ZNF865: variants seen among roughly 807,000 people sequenced by gnomAD.
The protein encoded by ZNF865 is zinc finger protein 865.
For synonymous variants in ZNF865, 763 were observed against 750.8 expected (o/e 1.02, Z -0.27); for missense variants, 1,311 against 1,593.4 (o/e 0.82, Z 3.02).
At chr19:55,609,145 A>G (rs1414709069) in intron 1 of ZNF865, among the ~76,000 whole-genome samples, 1 of 152,046 alleles carries the variant, frequency 6.6e-6, no homozygotes, top group Non-Finnish European at 1.5e-5. Context: ...CAGCTTCCCC[A>G]CTAGCTGGAA....
chr19:55,617,212 C>T lies in ZNF865; in HGVS notation c.*414C>T, dbSNP rs1316571718. 2.5e-5 allele frequency: 3 copies of T among 121,982 alleles called. No individual in the cohort carries two copies. Among genetic ancestry groups the T allele is most frequent in the Non-Finnish European group, 5.4e-5 (3 of 55,952 alleles). 7.6% of individuals were successfully genotyped at this position (121,982 alleles called of 1,614,324 possible). Reference sequence around the variant, plus strand: ...CTTTTTGGGGTGGGGGGGTGGGGGGCGGGGTGGCAGACGCGGCTTGTACAG... The same window carrying T: ...CTTTTTGGGGTGGGGGGGTGGGGGGTGGGGTGGCAGACGCGGCTTGTACAG... On this transcript the variant is annotated 3_prime_UTR_variant, in exon 2 of 2. Transcript: ENST00000568956.
intron 1 of ZNF865, among the ~76,000 whole-genome samples, chr19:55,609,855 C>T (rs535911173): frequency 1.3e-5 from 2 of 152,330 alleles, no homozygotes; most frequent in South Asian, 2.1e-4. Context: ...TATGACATCC[C>T]CTCTTAAAAA....
chr19:55,611,814 C>T lies in ZNF865; in HGVS notation c.-26-1779C>T, dbSNP rs1181458807. Among the ~76,000 whole-genome samples the T allele has an allele frequency of 6.6e-6, 1 of 152,098 alleles. No homozygotes were observed. Among genetic ancestry groups the T allele is most frequent in the African/African-American group, 2.4e-5 (1 of 41,350 alleles). On this transcript the variant is annotated intron_variant, in intron 1 of 1. Transcript: ENST00000568956. This position sits in a 1 kb window ranked among gnomAD's most constrained non-coding sequence, Gnocchi z 4.5. ...CATGGGCCCTTCACCGACTCACCCT[C>T]CGCCCACTTGGTGGAGGTGCTTCCC...
Position 55,614,218 on chromosome 19 carries a change from G to A in ZNF865, c.600G>A (p.Ala200=), listed in dbSNP as rs1266147725. The A allele has an allele frequency of 5.3e-6, 8 of 1,506,480 alleles. No homozygotes were observed. The highest frequency in any genetic ancestry group is 7.1e-6 in the Non-Finnish European group (8 of 1,133,166). 93.3% of individuals were successfully genotyped at this position (1,506,480 alleles called of 1,614,324 possible). A position where few individuals can be genotyped will look rare whatever the true frequency, so the allele number is the denominator to read the frequency against. ...AGACCCCGCCAGGACCCCCCGCGGC[G>A]GCGGCCTGCGACCCCACCAAGGACG... is the stretch of plus-strand genomic sequence containing the variant. The part of the protein sequence containing the change: ...PSQTPPGPPA[A]AACDPTKDDK... The change falls in exon 2 of 2, where the codon GCG becomes GCA. Residue 200 remains alanine (A), a synonymous_variant. Coordinates refer to ENST00000568956, the MANE Select transcript of ZNF865 (RefSeq NM_001195605.2). The surrounding 1 kb of genome is among the most constrained non-coding windows in gnomAD (Gnocchi z 8.0).
chr19:55,607,211 C>T (rs1049095963), intron 1 of ZNF865, among the ~76,000 whole-genome samples: 1 of 152,068 alleles, frequency 6.6e-6, no homozygotes, highest in African/African-American at 2.4e-5. Context: ...TTAATGAGCA[C>T]CTACTTTACA....
At position 55,615,407 on chromosome 19, in the gene ZNF865, C is replaced by G; in HGVS notation, c.1789C>G (p.His597Asp). 6.7e-7 allele frequency: 1 copy of G among 1,496,936 alleles called. No homozygotes were observed. Among genetic ancestry groups the G allele is most frequent in the South Asian group, 1.3e-5 (1 of 79,396 alleles). 92.7% of individuals were successfully genotyped at this position (1,496,936 alleles called of 1,614,324 possible). Residue 597 changes from histidine to aspartate, a missense_variant, in exon 2 of 2, where the codon CAC becomes GAC. Transcript: ENST00000568956. The stretch of plus-strand genomic sequence containing the variant: ...CGAATCCTTCCACTTGAGCAAGCAT[C>G]ACGTGGTGCACACGCGCGAGCGGCC... The part of the protein sequence containing the change: ...FRESFHLSKH[H>D]VVHTRERPYK...
Position 55,614,593 on chromosome 19 carries a change from C to T in ZNF865, c.975C>T (p.Pro325=). Reference sequence around the variant, plus strand: ...CAGCCACGCCCGTGGCGCCTGCCCCCTCCGCAGACGGGAGCGCCGCCCCTG... The same window carrying T: ...CAGCCACGCCCGTGGCGCCTGCCCCTTCCGCAGACGGGAGCGCCGCCCCTG... ...GPPATPVAPA[P]SADGSAAPAG... Residue 325 remains proline (P), a synonymous_variant, in exon 2 of 2, where the codon CCC becomes CCT. Coordinates refer to ENST00000568956, the MANE Select transcript of ZNF865 (RefSeq NM_001195605.2). This position sits in a 1 kb window ranked among gnomAD's most constrained non-coding sequence, Gnocchi z 8.0. 6.6e-7 allele frequency: 1 copy of T among 1,519,674 alleles called. No individual in the cohort carries two copies. Among genetic ancestry groups the T allele is most frequent in the Non-Finnish European group, 8.8e-7 (1 of 1,139,312 alleles). 94.1% of individuals were successfully genotyped at this position (1,519,674 alleles called of 1,614,324 possible). A position where few individuals can be genotyped will look rare whatever the true frequency, so the allele number is the denominator to read the frequency against.
Position 55,606,289 on chromosome 19 carries a change from C to G in ZNF865, c.-27+557C>G, listed in dbSNP as rs118187946. ...AAATACTTTCTATTCTGGTCAGCAC[C>G]AAGAATGCCTTTTTCCCTTCTGCAG... On this transcript the variant is annotated intron_variant, in intron 1 of 1. Transcript: ENST00000568956. 1.5e-4 allele frequency among the ~76,000 whole-genome samples: 23 copies of G among 152,258 alleles called. No homozygotes were observed. The East Asian group carries it at 2.9e-3, about 19-fold the overall frequency.
chr19:55,609,543 G>A (rs1255377166), intron 1 of ZNF865, among the ~76,000 whole-genome samples: 1 of 152,176 alleles, frequency 6.6e-6, no homozygotes, highest in African/African-American at 2.4e-5. Flanking sequence ...CAGCGTTGTT[G>A]CAGCAGAACG....
In ZNF865 at chr19:55,614,711, C is replaced by A; in HGVS notation, c.1093C>A (p.Leu365Ile). The A allele has an allele frequency of 6.3e-7, 1 of 1,585,216 alleles. No individual in the cohort carries two copies. The highest frequency in any genetic ancestry group is 2.3e-5 in the East Asian group (1 of 43,936). Reference sequence around the variant, plus strand: ...GAAGGTTTTCAAGAAGCCCAGTCACCTCCACCAGCACCAGATCATCCACAC... The same window carrying A: ...GAAGGTTTTCAAGAAGCCCAGTCACATCCACCAGCACCAGATCATCCACAC... ...CWKVFKKPSH[L>I]HQHQIIHTGE... Residue 365 changes from leucine (L) to isoleucine (I), a missense_variant, in exon 2 of 2, where the codon CTC (leucine) becomes ATC (isoleucine). Leu to Ile is a conservative substitution (Grantham distance 5). Coordinates refer to ENST00000568956, the MANE Select transcript of ZNF865 (RefSeq NM_001195605.2). This position sits in a 1 kb window ranked among gnomAD's most constrained non-coding sequence, Gnocchi z 8.0.
intron 1 of ZNF865, among the ~76,000 whole-genome samples, chr19:55,610,187 T>G (rs1351835333): frequency 2.0e-5 from 3 of 152,272 alleles, no homozygotes; most frequent in Non-Finnish European, 2.9e-5. Context: ...TGAGCATTGC[T>G]TTGGCTGCAC....
chr19:55,612,211 C>T (rs935098449), intron 1 of ZNF865, among the ~76,000 whole-genome samples: 2 of 152,106 alleles, frequency 1.3e-5, no homozygotes, highest in Admixed American at 1.3e-4. Context: ...ATAGGGGTTC[C>T]CCCATTTTAA....
intron 1 of ZNF865, chr19:55,613,244 G>A: frequency 4.2e-6 from 1 of 237,892 alleles, no homozygotes. Context: ...ACAAATAATA[G>A]AGGGCCTGCA....
chr19:55,610,574 G>A (rs866844470), intron 1 of ZNF865, among the ~76,000 whole-genome samples: 1 of 152,158 alleles, frequency 6.6e-6, no homozygotes, highest in African/African-American at 2.4e-5. Context: ...ATTTTCTAAT[G>A]TATGATTTCT....
Position 55,613,745 on chromosome 19 carries a change from G to C in ZNF865, c.127G>C (p.Glu43Gln). 1 of 1,534,572 alleles carries C rather than the reference G, an allele frequency of 6.5e-7. No individual in the cohort carries two copies. The highest frequency in any genetic ancestry group is 8.7e-7 in the Non-Finnish European group (1 of 1,146,166). ...GGAATTCCTCAACCACCAGCGCTTC[G>C]AGCCCATGGAACTGTATGGGGAACA... ...FLEFLNHQRFEPMELYGEHAK... is the reference protein window; with the variant it reads ...FLEFLNHQRFQPMELYGEHAK... Residue 43 changes from glutamate (E) to glutamine (Q), a missense_variant, in exon 2 of 2, where the codon GAG becomes CAG. By Grantham distance (29) the Glu-to-Gln change is conservative. Transcript: ENST00000568956.
rs1053874970 is a variant in ZNF865, at chr19:55,609,046, CAG to C, written c.-27+3317_-27+3318del. Among the ~76,000 whole-genome samples, 44 of 152,184 alleles carry C rather than the reference CAG, an allele frequency of 2.9e-4. 1 individual carries two copies. Among genetic ancestry groups the C allele is most frequent in the Middle Eastern group, 3.4e-3 (1 of 294 alleles). The stretch of plus-strand genomic sequence containing the variant: ...AGTTTGTTTGTTTGTTTTTGAGAAA[CAG>C]AGTCTCACTCTGTCACCCAGGCTGG... On this transcript the variant is annotated intron_variant, in intron 1 of 1. Coordinates refer to ENST00000568956, the MANE Select transcript of ZNF865 (RefSeq NM_001195605.2).
At chr19:55,608,627 T>C (rs560162690) in intron 1 of ZNF865, among the ~76,000 whole-genome samples, 40 of 152,126 alleles carry the variant, frequency 2.6e-4, no homozygotes, top group Non-Finnish European at 4.6e-4. Context: ...ACTGTGGCTT[T>C]TGAATGAGAT....
intron 1 of ZNF865, among the ~76,000 whole-genome samples, chr19:55,608,296 A>G (rs867968723): frequency 3.4e-5 from 5 of 148,948 alleles, no homozygotes; most frequent in Non-Finnish European, 7.4e-5. Context: ...TGTGGAGGTC[A>G]TTGTAAGGAC....
chr19:55,617,114 T>G lies in ZNF865; in HGVS notation c.*316T>G. On this transcript the variant is annotated 3_prime_UTR_variant, in exon 2 of 2. Transcript: ENST00000568956. ...GGCGGAGATGGGTCTGAACCGCCCC[T>G]CCCCCTCCTTTGGAATCTGGCTGGA... The G allele has an allele frequency of 6.6e-6, 1 of 150,758 alleles. No homozygotes were observed. The highest frequency in any genetic ancestry group is 1.2e-5 in the Non-Finnish European group (1 of 82,162). 9.3% of individuals were successfully genotyped at this position (150,758 alleles called of 1,614,324 possible).
Sources: gnomAD v4.1 joint callset for allele counts (sites outside exome capture counted in the v4.1 genomes callset) on GRCh38, gnomAD v4.1.1 for gene constraint, Gnocchi (gnomAD v3.1) non-coding constraint, MANE v1.5 for transcripts, NCBI Gene and HGNC (gene_info 2026-07-23, HGNC 2026-07-21) for gene names.